ROPN1L: variants seen among roughly 807,000 people sequenced by gnomAD.
ROPN1L encodes the protein ropporin-1-like protein.
ROPN1L carries 23 observed loss-of-function variants against 22.7 expected under a neutral mutation model. The ratio of observed to expected loss-of-function variants is 1.01; its 90% confidence interval spans 0.73 to 1.43. ROPN1L has a LOEUF of 1.43. Ranked by LOEUF, ROPN1L falls within the 40% of genes most tolerant of loss-of-function variation. The pLI is 0.00. For synonymous variants in ROPN1L, 116 were observed against 117.8 expected, an observed-to-expected ratio of 0.98 and a Z score of 0.10; for missense variants, 271 against 291.5, an observed-to-expected ratio of 0.93 and a Z score of 0.51.
downstream of ROPN1L, among the ~76,000 whole-genome samples, chr5:10,469,555 T>G (rs145904960): frequency 8.4e-4 from 128 of 152,104 alleles, no homozygotes; most frequent in African/African-American, 3.0e-3. Flanking sequence ...TTTCCTTAAT[T>G]GCAGTGTGGG....
chr5:10,468,950 T>G (rs1401918717), downstream of ROPN1L, among the ~76,000 whole-genome samples: 1 of 150,578 alleles, frequency 6.6e-6, no homozygotes, highest in Non-Finnish European at 1.5e-5. Context: ...GGTCAGGAGA[T>G]CGAGACCATC....
intron 4 of ROPN1L, 44 bp from the exon 5 acceptor site, chr5:10,464,801 TATG>T: frequency 1.8e-6 from 2 of 1,118,096 alleles, no homozygotes; most frequent in South Asian, 1.4e-5. Flanking sequence ...TTACTAAGTA[TATG>T]ATGAGAAATT....
chr5:10,448,608 T>C (rs751166903), intron 2 of ROPN1L, among the ~76,000 whole-genome samples: 5 of 152,236 alleles, frequency 3.3e-5, no homozygotes, highest in Admixed American at 6.5e-5. Context: ...CAAGTCACTA[T>C]CCAGGGGTAG....
downstream of ROPN1L, among the ~76,000 whole-genome samples, chr5:10,472,526 T>C (rs969454308): frequency 3.9e-5 from 6 of 152,192 alleles, no homozygotes; most frequent in Non-Finnish European, 7.3e-5. Context: ...AAAAAGCTTA[T>C]TAGGATATGG....
chr5:10,448,447 G>A (rs969736637), intron 2 of ROPN1L, 64 bp downstream of exon 2: 11 of 1,600,718 alleles, frequency 6.9e-6, no homozygotes, highest in South Asian at 4.4e-5. Context: ...CGTTCACTGT[G>A]CATTGATGAC....
At chr5:10,478,187 C>T in the ROPN1L span, 1 of 152,276 alleles carries the variant, frequency 6.6e-6, no homozygotes, top group East Asian at 1.9e-4. Context: ...CACTGTGTGT[C>T]TACTGGGATG....
Position 10,461,322 on chromosome 5 carries a change from G to C in ROPN1L, c.556G>C (p.Glu186Gln). 2 of 1,614,100 alleles carry C rather than the reference G, an allele frequency of 1.2e-6. No individual in the cohort carries two copies. The highest frequency in any genetic ancestry group is 8.5e-7 in the Non-Finnish European group (1 of 1,180,010). The change falls in exon 4 of 5, where the codon GAG (glutamate) becomes CAG (glutamine). Residue 186 changes from glutamate to glutamine, a missense_variant. Coordinates refer to ENST00000274134, the MANE Select transcript of ROPN1L (RefSeq NM_031916.5). ...ATTAGACTCAGATGTGTCTCCCTTG[G>C]AGACGGAATCCTACCTTGCCTCTCT... ...ARLDSDVSPL[E>Q]TESYLASLKE... is the part of the protein sequence containing the mutation.
Position 10,448,301 on chromosome 5 carries a change from A to G in ROPN1L, c.173A>G (p.Lys58Arg), listed in dbSNP as rs771414987. The G allele has an allele frequency of 1.2e-6, 2 of 1,614,168 alleles. No individual in the cohort carries two copies. Among genetic ancestry groups the G allele is most frequent in the South Asian group, 2.2e-5 (2 of 91,084 alleles). The change falls in exon 2 of 5, where the codon AAG becomes AGG. Residue 58 changes from lysine (K) to arginine (R), a missense_variant. Lys to Arg is a conservative substitution (Grantham distance 26, BLOSUM62 2). Coordinates refer to ENST00000274134, the MANE Select transcript of ROPN1L (RefSeq NM_031916.5). ...TCGAGAGGAGATCCACTTCCTGTAAAGGACAGAATGGAAATGCCCACGGCA... is the reference window on the plus strand; with the variant it reads ...TCGAGAGGAGATCCACTTCCTGTAAGGGACAGAATGGAAATGCCCACGGCA... Reference protein sequence around the residue: ...ALSRGDPLPVKDRMEMPTATQ... With the variant: ...ALSRGDPLPVRDRMEMPTATQ...
chr5:10,464,022 T>C (rs954995307), intron 4 of ROPN1L, among the ~76,000 whole-genome samples: 1 of 152,146 alleles, frequency 6.6e-6, no homozygotes, highest in South Asian at 2.1e-4. Flanking sequence ...GCTCAAGTGA[T>C]CCGCCAGCCT....
In ROPN1L at chr5:10,449,938, T is replaced by C; in HGVS notation, c.256-14T>C. On this transcript the variant is annotated splice_polypyrimidine_tract_variant and intron_variant, in intron 2 of 4. Coordinates refer to ENST00000274134, the MANE Select transcript of ROPN1L (RefSeq NM_031916.5). The stretch of plus-strand genomic sequence containing the variant: ...AAAACATACATAAATTGTCATGCTG[T>C]GTTTTCCAAACAGTGTCACCACAAG... The C allele has an allele frequency of 6.2e-7, 1 of 1,601,032 alleles. No homozygotes were observed. Among genetic ancestry groups the C allele is most frequent in the Non-Finnish European group, 8.5e-7 (1 of 1,174,090 alleles).
At chr5:10,465,031 T>A, downstream of ROPN1L, 1 of 674,236 alleles carries the variant, frequency 1.5e-6, no homozygotes. Context: ...ATCACACACC[T>A]CTGTAGTGTG....
At chr5:10,480,398 C>A in the ROPN1L span, among the ~76,000 whole-genome samples, 23 of 151,960 alleles carry the variant, frequency 1.5e-4, no homozygotes, top group Non-Finnish European at 3.1e-4. Flanking sequence ...AGACCAGGGC[C>A]ATCCTGAAAA....
intron 4 of ROPN1L, among the ~76,000 whole-genome samples, chr5:10,464,063 C>T (rs552002109): frequency 3.9e-5 from 6 of 152,318 alleles, no homozygotes; most frequent in Admixed American, 3.3e-4. Context: ...GTGGAGCCTG[C>T]GTTCTGTGCC....
chr5:10,452,589 C>T (rs867159101), intron 3 of ROPN1L, among the ~76,000 whole-genome samples: 2 of 151,932 alleles, frequency 1.3e-5, no homozygotes, highest in African/African-American at 4.8e-5. Context: ...CTGCCCGCCT[C>T]GGCCTCCCAA....
chr5:10,466,239 G>A (rs1735152449), downstream of ROPN1L, among the ~76,000 whole-genome samples: 1 of 152,204 alleles, frequency 6.6e-6, no homozygotes, highest in African/African-American at 2.4e-5. Flanking sequence ...AAAACTTAGA[G>A]GGACAGATTA....
chr5:10,458,468 C>A (rs1734899680), intron 3 of ROPN1L, among the ~76,000 whole-genome samples: 1 of 136,300 alleles, frequency 7.3e-6, no homozygotes, highest in Non-Finnish European at 1.6e-5. Flanking sequence ...TGTACACCAT[C>A]CCGCTGTGTA....
chr5:10,459,840 A>G (rs1734981298), intron 3 of ROPN1L, among the ~76,000 whole-genome samples: 1 of 152,220 alleles, frequency 6.6e-6, no homozygotes, highest in South Asian at 2.1e-4. Context: ...TGTGATCTCC[A>G]CATGAGCAGG....
chr5:10,455,352 C>G (rs923927089), intron 3 of ROPN1L, among the ~76,000 whole-genome samples: 2 of 152,206 alleles, frequency 1.3e-5, no homozygotes, highest in African/African-American at 2.4e-5. Flanking sequence ...CCCTGCAGCC[C>G]GTGAGAAGAA....
At chr5:10,443,515 G>A (rs1579639400) in intron 1 of ROPN1L, among the ~76,000 whole-genome samples, 1 of 151,822 alleles carries the variant, frequency 6.6e-6, no homozygotes, top group Non-Finnish European at 1.5e-5. Flanking sequence ...CCAGCTACTC[G>A]GGAGGCTGAG....
Sources: gnomAD v4.1 joint callset for allele counts (sites outside exome capture counted in the v4.1 genomes callset) on GRCh38, gnomAD v4.1.1 for gene constraint, MANE v1.5 for transcripts, NCBI Gene and HGNC (gene_info 2026-07-23, HGNC 2026-07-21) for gene names.